USP44: variants seen among roughly 807,000 people sequenced by gnomAD.
The protein encoded by USP44 is ubiquitin carboxyl-terminal hydrolase 44.
Under a neutral mutation model 69.0 loss-of-function variants are expected in USP44, and 61 were observed. The observed-to-expected ratio is 0.88, with a 90% CI of 0.72 to 1.09. USP44 has a LOEUF of 1.09. Ranked by LOEUF, USP44 falls within the 50% of genes least tolerant of loss-of-function variation. The probability of loss-of-function intolerance (pLI) is 0.00; values close to 1 mark genes in which losing one functional copy is unlikely to be tolerated. For missense variants in USP44, 753 were observed against 849.9 expected, an observed-to-expected ratio of 0.89 and a Z score of 1.42; for synonymous variants, 297 against 295.4, an observed-to-expected ratio of 1.01 and a Z score of -0.06.
chr12:95,526,915 A>T (rs1433501299), intron 3 of USP44, among the ~76,000 whole-genome samples: 2 of 151,842 alleles, frequency 1.3e-5, no homozygotes, highest in Non-Finnish European at 2.9e-5. Context: ...TCTTTTTTTT[A>T]ATTTCAATAG....
intron 1 of USP44, among the ~76,000 whole-genome samples, chr12:95,546,168 G>A (rs2077564183): frequency 6.6e-6 from 1 of 152,194 alleles, no homozygotes; most frequent in African/African-American, 2.4e-5. Flanking sequence ...ATCTACCGCA[G>A]CTAACTTCGT....
At position 95,534,340 on chromosome 12, in the gene USP44, T is replaced by C. The variant is rs2140302498; in HGVS notation, c.-70-14A>G. ...AGCATCTGAAAACTAAACAGAACAA[T>C]GTCAAGTGTTAATAACAAGATGCTA... On this transcript the variant is annotated splice_polypyrimidine_tract_variant and intron_variant, in intron 1 of 5. Coordinates refer to ENST00000258499, the MANE Select transcript of USP44 (RefSeq NM_032147.5). The C allele has an allele frequency of 7.9e-7, 1 of 1,258,936 alleles. No homozygotes were observed. Among genetic ancestry groups the C allele is most frequent in the East Asian group, 2.3e-5 (1 of 42,692 alleles). 78.0% of individuals were successfully genotyped at this position (1,258,936 alleles called of 1,614,324 possible).
chr12:95,522,267 A>T (rs2076689951), intron 4 of USP44: 1 of 214,610 alleles, frequency 4.7e-6, no homozygotes, highest in African/African-American at 2.4e-5. Context: ...TAGAGAAGGG[A>T]GAGACAAGAA....
chr12:95,524,064 T>C (rs117933844), intron 4 of USP44, among the ~76,000 whole-genome samples: 1 of 151,734 alleles, frequency 6.6e-6, no homozygotes, highest in Admixed American at 6.6e-5. Context: ...TTTATTTTTA[T>C]GTTTATGTAT....
At chr12:95,528,538 T>C (rs2076922996) in intron 3 of USP44, among the ~76,000 whole-genome samples, 1 of 152,228 alleles carries the variant, frequency 6.6e-6, no homozygotes, top group Admixed American at 6.5e-5. Flanking sequence ...GCTACTTTAT[T>C]TTGCTCCACA....
intron 2 of USP44, among the ~76,000 whole-genome samples, chr12:95,531,916 C>A (rs888654105): frequency 6.6e-6 from 1 of 152,108 alleles, no homozygotes; most frequent in East Asian, 1.9e-4. Context: ...GTATAGAGAA[C>A]CTTTACTTCG....
rs372484955 is a variant in USP44 at position 95,532,983 on chromosome 12, T to C, written c.1274A>G (p.Gln425Arg). 2 of 1,614,240 alleles carry C rather than the reference T, an allele frequency of 1.2e-6. No homozygotes were observed. Among genetic ancestry groups the C allele is most frequent in the Non-Finnish European group, 1.7e-6 (2 of 1,180,046 alleles). The change falls in exon 2 of 6, where the codon CAG becomes CGG. Residue 425 changes from glutamine (Q) to arginine (R), a missense_variant. By Grantham distance (43) the Gln-to-Arg change is conservative. Transcript: ENST00000258499. Reference sequence around the variant, plus strand: ...ATCTAAAAGTTCACAAAGAAATTCCTGAGCGTCTTGTTGGGCGTAACCACG... The same window carrying C: ...ATCTAAAAGTTCACAAAGAAATTCCCGAGCGTCTTGTTGGGCGTAACCACG... ...AFRGYAQQDA[Q>R]EFLCELLDKI...
At chr12:95,540,054 G>C (rs1565834453) in intron 1 of USP44, among the ~76,000 whole-genome samples, 1 of 152,112 alleles carries the variant, frequency 6.6e-6, no homozygotes, top group Non-Finnish European at 1.5e-5. Context: ...ATACCTTCCT[G>C]TTGTATTTTT....
rs1242319526 is a variant in USP44 at position 95,533,995 on chromosome 12, T to G, written c.262A>C (p.Asn88His). Residue 88 changes from asparagine to histidine, a missense_variant, in exon 2 of 6, where the codon AAT becomes CAT. Coordinates refer to ENST00000258499, the MANE Select transcript of USP44 (RefSeq NM_032147.5). ...TTCAGGTCTCCAGTTGTGTTATCAT[T>G]CAGAACATAATCATCACAAAGGTAA... ...FCYLCDDYVL[N>H]DNTTGDLKLL... 1 of 1,614,036 alleles carries G rather than the reference T, an allele frequency of 6.2e-7. No homozygotes were observed. The highest frequency in any genetic ancestry group is 1.3e-5 in the African/African-American group (1 of 74,932).
At chr12:95,529,145 G>A (rs779104851) in intron 2 of USP44, 143 bp from the exon 3 acceptor site, 21 of 736,832 alleles carry the variant, frequency 2.9e-5, no homozygotes, top group East Asian at 2.8e-4. Flanking sequence ...TTATATTCTT[G>A]TCAGGAAATC....
Position 95,533,883 on chromosome 12 carries a change from G to A in USP44, c.374C>T (p.Thr125Ile), listed in dbSNP as rs749877616. The change falls in exon 2 of 6, where the codon ACA becomes ATA. Residue 125 changes from threonine (T) to isoleucine (I), a missense_variant. Thr to Ile is a moderately conservative substitution (Grantham distance 89). Transcript: ENST00000258499. The part of the protein sequence containing the change: ...RSGRFLRSMG[T>I]GDDSYFLHDG... ...ATGTAAGAAATAAGAATCATCACCT[G>A]TACCCATGGACCGTAAAAACCTCCC... The A allele has an allele frequency of 1.9e-6, 3 of 1,613,996 alleles. No homozygotes were observed. Among genetic ancestry groups the A allele is most frequent in the African/African-American group, 1.3e-5 (1 of 74,904 alleles).
In USP44 at chr12:95,518,247, A is replaced by G. The variant is rs1168598947; in HGVS notation, c.2046T>C (p.Asn682=). Residue 682 remains asparagine, a synonymous_variant, in exon 6 of 6, where the codon AAT becomes AAC. Transcript: ENST00000258499. The part of the protein sequence containing the change: ...ILFYTQRVTE[N]GHSKLLPPEL... ...CTGGAGGCAAAAGTTTAGAATGTCC[A>G]TTCTCAGTAACTCGTTGGGTATAAA... The G allele has an allele frequency of 6.2e-7, 1 of 1,614,200 alleles. No individual in the cohort carries two copies. The highest frequency in any genetic ancestry group is 8.5e-7 in the Non-Finnish European group (1 of 1,180,032).
chr12:95,545,889 G>A (rs1430212142), intron 1 of USP44, among the ~76,000 whole-genome samples: 2 of 152,002 alleles, frequency 1.3e-5, no homozygotes, highest in South Asian at 2.1e-4. Context: ...TCTTCCTTTA[G>A]AGATCTAGAA....
chr12:95,535,715 G>A (rs1394063634), intron 1 of USP44, among the ~76,000 whole-genome samples: 3 of 152,140 alleles, frequency 2.0e-5, no homozygotes, highest in Non-Finnish European at 4.4e-5. Context: ...AAAAAGCCGT[G>A]ATCACAAACA....
intron 4 of USP44, among the ~76,000 whole-genome samples, chr12:95,522,305 T>C (rs1409299772): frequency 1.3e-5 from 2 of 151,676 alleles, no homozygotes. Flanking sequence ...AAAAAAAAAG[T>C]GAAAATGCTT....
chr12:95,525,262 G>A (rs1232470909), intron 3 of USP44, among the ~76,000 whole-genome samples: 1 of 152,034 alleles, frequency 6.6e-6, no homozygotes, highest in Non-Finnish European at 1.5e-5. Flanking sequence ...AGTAGAGACG[G>A]GGTTTCACTA....
Position 95,533,586 on chromosome 12 carries a change from A to C in USP44, c.671T>G (p.Ile224Arg). ...LRLQGLAQST[I>R]IEIVSVQVPA... ...CACCTGAACAGAAACTATTTCTATTATGGTCGACTGAGCGAGCCCTTGTAA... is the reference window on the plus strand; with the variant it reads ...CACCTGAACAGAAACTATTTCTATTCTGGTCGACTGAGCGAGCCCTTGTAA... The change falls in exon 2 of 6, where the codon ATA becomes AGA. Residue 224 changes from isoleucine to arginine, a missense_variant. Coordinates refer to ENST00000258499, the MANE Select transcript of USP44 (RefSeq NM_032147.5). 6.2e-7 allele frequency: 1 copy of C among 1,613,650 alleles called. No individual in the cohort carries two copies. Among genetic ancestry groups the C allele is most frequent in the Non-Finnish European group, 8.5e-7 (1 of 1,179,998 alleles).
intron 2 of USP44, among the ~76,000 whole-genome samples, chr12:95,531,150 T>A (rs987020992): frequency 2.6e-5 from 4 of 151,082 alleles, no homozygotes; most frequent in African/African-American, 9.8e-5. Flanking sequence ...GGCAACAGAG[T>A]GAGACTCTGT....
Position 95,533,638 on chromosome 12 carries a change from TTTCCAA to T in USP44, c.613_618del (p.Leu205_Glu206del). ...CGTAAACTCTTTCTTGGAGGCATAC[TTTCCAA>T]TTCTGCTTTAACTTGATACTCCAAT... On this transcript the variant is annotated inframe_deletion, in exon 2 of 6. Transcript: ENST00000258499. 1 of 1,613,898 alleles carries T rather than the reference TTTCCAA, an allele frequency of 6.2e-7. No homozygotes were observed. The highest frequency in any genetic ancestry group is 1.1e-5 in the South Asian group (1 of 91,072).
Sources: gnomAD v4.1 joint callset for allele counts (sites outside exome capture counted in the v4.1 genomes callset) on GRCh38, gnomAD v4.1.1 for gene constraint, MANE v1.5 for transcripts, NCBI Gene and HGNC (gene_info 2026-07-23, HGNC 2026-07-21) for gene names.